ARL15: variants seen among roughly 807,000 people sequenced by gnomAD.
The protein encoded by ARL15 is ARF like GTPase 15.
Under a neutral mutation model 25.2 loss-of-function variants are expected in ARL15, and 19 were observed. The observed-to-expected ratio is 0.75, with a 90% confidence interval of 0.53 to 1.10. The LOEUF is 1.10. Ranked by LOEUF, ARL15 falls within the 50% of genes least tolerant of loss-of-function variation. ARL15 has a pLI of 0.00. For missense variants in ARL15, 220 were observed against 246.0 expected, an observed-to-expected ratio of 0.89 and a Z score of 0.71; for synonymous variants, 94 against 86.8, an observed-to-expected ratio of 1.08 and a Z score of -0.46.
chr5:53,969,593 T>C (rs1747671670), intron 4 of ARL15, among the ~76,000 whole-genome samples: 1 of 152,182 alleles, frequency 6.6e-6, no homozygotes, highest in African/African-American at 2.4e-5. Context: ...ATCAAACAGA[T>C]AAAAGCAGGT....
chr5:54,059,910 A>G (rs943327709), intron 4 of ARL15, among the ~76,000 whole-genome samples: 2 of 152,158 alleles, frequency 1.3e-5, no homozygotes, highest in African/African-American at 4.8e-5. Flanking sequence ...TTCCAAGCTG[A>G]TATTTAGATT....
intron 1 of ARL15, among the ~76,000 whole-genome samples, chr5:54,218,983 C>T (rs1200158919): frequency 1.6e-4 from 16 of 101,824 alleles, no homozygotes; most frequent in Admixed American, 1.1e-4. Context: ...ACTGCTACTG[C>T]TGTTTTTTTT....
At chr5:54,285,900 G>C (rs1758167654) in intron 1 of ARL15, among the ~76,000 whole-genome samples, 2 of 152,248 alleles carry the variant, frequency 1.3e-5, no homozygotes, top group South Asian at 4.1e-4. Flanking sequence ...GAACGCTAAA[G>C]TGCCGCGTGG....
At chr5:54,140,033 G>A (rs942338128) in intron 3 of ARL15, among the ~76,000 whole-genome samples, 1 of 152,060 alleles carries the variant, frequency 6.6e-6, no homozygotes, top group African/African-American at 2.4e-5. Flanking sequence ...TTGCAAAATA[G>A]ACAACTATAT....
At chr5:54,124,701 C>T (rs945876541) in intron 3 of ARL15, among the ~76,000 whole-genome samples, 7 of 152,152 alleles carry the variant, frequency 4.6e-5, no homozygotes, top group African/African-American at 1.7e-4. Flanking sequence ...TTTCATAAAG[C>T]CAGAAACCAC....
At chr5:53,942,045 G>A (rs923767447) in intron 4 of ARL15, among the ~76,000 whole-genome samples, 5 of 152,158 alleles carry the variant, frequency 3.3e-5, no homozygotes, top group African/African-American at 1.2e-4. Flanking sequence ...AGAGATGCCA[G>A]GTAGGAAGCA....
At chr5:54,216,080 A>G (rs1756197843) in intron 1 of ARL15, among the ~76,000 whole-genome samples, 1 of 152,174 alleles carries the variant, frequency 6.6e-6, no homozygotes, top group Non-Finnish European at 1.5e-5. Flanking sequence ...CTGGCTGGAG[A>G]GAAACATTGC....
intron 4 of ARL15, among the ~76,000 whole-genome samples, chr5:53,926,960 AAT>A (rs1746050418): frequency 3.3e-5 from 5 of 151,814 alleles, no homozygotes; most frequent in Non-Finnish European, 2.9e-5. Flanking sequence ...AAAAAAAAAA[AAT>A]AAAGTCCAAA....
intron 4 of ARL15, among the ~76,000 whole-genome samples, chr5:54,039,880 A>G (rs191032852): frequency 6.6e-6 from 1 of 152,106 alleles, no homozygotes; most frequent in Admixed American, 6.5e-5. Flanking sequence ...TTTATTTTGA[A>G]AAACGTATTT....
At chr5:53,887,511 T>G in intron 4 of ARL15, 1 of 604,032 alleles carries the variant, frequency 1.7e-6, no homozygotes, top group Non-Finnish European at 3.0e-6. Flanking sequence ...TATTACCAAT[T>G]CCTGGCTGTG....
chr5:54,044,743 T>C (rs1216047992), intron 4 of ARL15, among the ~76,000 whole-genome samples: 2 of 152,252 alleles, frequency 1.3e-5, no homozygotes, highest in Non-Finnish European at 2.9e-5. Flanking sequence ...TACTGGTCTA[T>C]ATATTGTTTG....
At chr5:53,998,862 A>C (rs889148414) in intron 4 of ARL15, among the ~76,000 whole-genome samples, 1 of 152,196 alleles carries the variant, frequency 6.6e-6, no homozygotes. Context: ...GGCAACACCA[A>C]CCAAAAGAGG....
chr5:54,297,698 C>T (rs1020927787), intron 1 of ARL15, among the ~76,000 whole-genome samples: 1 of 152,214 alleles, frequency 6.6e-6, no homozygotes, highest in Non-Finnish European at 1.5e-5. Flanking sequence ...CCACATTGAA[C>T]TTTCTTTCCC....
At chr5:54,096,475 G>A (rs888439154) in intron 4 of ARL15, among the ~76,000 whole-genome samples, 2 of 152,132 alleles carry the variant, frequency 1.3e-5, no homozygotes, top group Non-Finnish European at 2.9e-5. Context: ...GTGCAGTGGT[G>A]CCATCTTGGC....
intron 1 of ARL15, among the ~76,000 whole-genome samples, chr5:54,220,316 C>T (rs750388605): frequency 1.3e-5 from 2 of 152,158 alleles, no homozygotes; most frequent in Non-Finnish European, 2.9e-5. Flanking sequence ...TCCCCTCCCC[C>T]ACCTCTGTTT....
intron 1 of ARL15, among the ~76,000 whole-genome samples, chr5:54,246,162 T>G (rs1477669555): frequency 6.6e-6 from 1 of 151,546 alleles, no homozygotes; most frequent in African/African-American, 2.4e-5. Context: ...GAAACAAAAC[T>G]GCCTTCCCTT....
At chr5:53,919,644 G>C (rs1242582415) in intron 4 of ARL15, among the ~76,000 whole-genome samples, 1 of 131,582 alleles carries the variant, frequency 7.6e-6, no homozygotes, top group Non-Finnish European at 1.6e-5. Flanking sequence ...AAGACTTGCA[G>C]CAGCTGCTGC....
At chr5:54,297,440 G>A (rs1422262257) in intron 1 of ARL15, among the ~76,000 whole-genome samples, 1 of 152,196 alleles carries the variant, frequency 6.6e-6, no homozygotes, top group Non-Finnish European at 1.5e-5. Flanking sequence ...TTTTGTTGTG[G>A]GCAGCCTGCT....
At chr5:54,077,046 G>A (rs553315029) in intron 4 of ARL15, among the ~76,000 whole-genome samples, 1 of 152,266 alleles carries the variant, frequency 6.6e-6, no homozygotes, top group African/African-American at 2.4e-5. Flanking sequence ...ATGTTTAGTT[G>A]TGCTTCATCA....
Sources: gnomAD v4.1 joint callset for allele counts (sites outside exome capture counted in the v4.1 genomes callset) on GRCh38, gnomAD v4.1.1 for gene constraint, MANE v1.5 for transcripts, NCBI Gene and HGNC (gene_info 2026-07-23, HGNC 2026-07-21) for gene names.